HNRNPF: variants seen among roughly 807,000 people sequenced by gnomAD.
HNRNPF encodes heterogeneous nuclear ribonucleoprotein F, also known as HnRNP F protein.
In HNRNPF, 2 loss-of-function variants were observed where a neutral mutation model predicts 26.0. That is an observed-to-expected ratio of 0.08 (90% CI 0.03 to 0.24). The LOEUF (loss-of-function observed/expected upper bound fraction) is 0.24, where lower values mean the gene tolerates loss of function less well. Among genes scored for constraint, HNRNPF ranks in the 10% least tolerant of loss-of-function variants. The pLI, the probability that HNRNPF is intolerant of heterozygous loss-of-function variation, is 1.00. For missense variants in HNRNPF, 299 were observed against 539.2 expected, an observed-to-expected ratio of 0.55 and a Z score of 4.41; for synonymous variants, 234 against 211.5, an observed-to-expected ratio of 1.11 and a Z score of -0.92.
At chr10:43,403,163 G>C (rs1377172394) in intron 1 of HNRNPF, among the ~76,000 whole-genome samples, 1 of 152,092 alleles carries the variant, frequency 6.6e-6, no homozygotes, top group Non-Finnish European at 1.5e-5. Flanking sequence ...GATTACAGAT[G>C]CACACCACCA....
intron 1 of HNRNPF, among the ~76,000 whole-genome samples, chr10:43,402,751 TATG>T (rs1472066697): frequency 6.6e-6 from 1 of 152,188 alleles, no homozygotes; most frequent in East Asian, 1.9e-4. Context: ...TCAAATAACT[TATG>T]ATGGATTTAT....
intron 1 of HNRNPF, among the ~76,000 whole-genome samples, chr10:43,405,970 GGACTGGGTCCCAAGTCCCAATTGT>G (rs1474482937): frequency 6.6e-6 from 1 of 151,990 alleles, no homozygotes; most frequent in African/African-American, 2.4e-5. Context: ...GACCCAGTTG[GGACTGGGTCCCAAGTCCCAATTGT>G]GTCCCTGGAC....
At chr10:43,388,028 T>C (rs1838099850) in intron 3 of HNRNPF, 92 bp from the exon 4 acceptor site, 4 of 651,710 alleles carry the variant, frequency 6.1e-6, no homozygotes, top group Non-Finnish European at 1.0e-5. Flanking sequence ...TTAAGAAATA[T>C]ACCAAATACA....
Position 43,386,381 on chromosome 10 carries a change from T to G in HNRNPF, c.*256A>C. The G allele has an allele frequency of 2.5e-6, 1 of 397,756 alleles. No homozygotes were observed. Among genetic ancestry groups the G allele is most frequent in the Non-Finnish European group, 4.5e-6 (1 of 224,228 alleles). 24.6% of individuals were successfully genotyped at this position (397,756 alleles called of 1,614,324 possible). ...TTTAACATACTTAAACTACTTAAAC[T>G]TAGATAACATCACTCTGAAGTATAC... is the stretch of plus-strand genomic sequence containing the variant. On this transcript the variant is annotated 3_prime_UTR_variant, in exon 4 of 4. Transcript: ENST00000682386.
chr10:43,395,926 T>TC, intron 2 of HNRNPF, among the ~76,000 whole-genome samples: 1 of 152,192 alleles, frequency 6.6e-6, no homozygotes, highest in East Asian at 1.9e-4. Context: ...GAGTCTGGTC[T>TC]CCCCGTCCGC....
chr10:43,394,233 A>G (rs1702946975), intron 3 of HNRNPF, among the ~76,000 whole-genome samples: 1 of 152,230 alleles, frequency 6.6e-6, no homozygotes, highest in South Asian at 2.1e-4. Context: ...TGAAAAAGAC[A>G]TACAAGCAGC....
At chr10:43,393,518 C>T (rs1165305920) in intron 3 of HNRNPF, among the ~76,000 whole-genome samples, 1 of 152,090 alleles carries the variant, frequency 6.6e-6, no homozygotes. Flanking sequence ...ATCGCTTGAA[C>T]CTGGGAGGCA....
At chr10:43,395,275 AC>A (rs1431008549) in intron 2 of HNRNPF, among the ~76,000 whole-genome samples, 4 of 151,924 alleles carry the variant, frequency 2.6e-5, no homozygotes, top group Non-Finnish European at 5.9e-5. Flanking sequence ...ATTTATAGGA[AC>A]CCCTCTGTAA....
At chr10:43,405,656 C>CG (rs1465244053) in intron 1 of HNRNPF, among the ~76,000 whole-genome samples, 6 of 140,170 alleles carry the variant, frequency 4.3e-5, no homozygotes, top group Non-Finnish European at 7.5e-5. Context: ...GATTCCGTCT[C>CG]GGAAAAAAAA....
chr10:43,388,010 G>C, intron 3 of HNRNPF, 74 bp from the exon 4 acceptor site: 1 of 736,632 alleles, frequency 1.4e-6, no homozygotes, highest in Non-Finnish European at 2.2e-6. Context: ...GAGAGAGGTA[G>C]CAAGACATTA....
chr10:43,397,947 T>A (rs1401670407), intron 1 of HNRNPF, among the ~76,000 whole-genome samples: 1 of 152,240 alleles, frequency 6.6e-6, no homozygotes, highest in South Asian at 2.1e-4. Flanking sequence ...GAACTAGTAA[T>A]TTTTATTAAA....
At chr10:43,399,815 C>G (rs1047502832) in intron 1 of HNRNPF, among the ~76,000 whole-genome samples, 4 of 152,060 alleles carry the variant, frequency 2.6e-5, no homozygotes, top group Non-Finnish European at 4.4e-5. Flanking sequence ...GGTAAAGAGA[C>G]ACAGTTCCTG....
chr10:43,402,005 G>C (rs1050389643), intron 1 of HNRNPF, among the ~76,000 whole-genome samples: 1 of 151,184 alleles, frequency 6.6e-6, no homozygotes, highest in Non-Finnish European at 1.5e-5. Flanking sequence ...GAGGGGCTCC[G>C]GCACCCAGAA....
Position 43,386,238 on chromosome 10 carries a change from A to G in HNRNPF, c.*399T>C, listed in dbSNP as rs1388649689. On this transcript the variant is annotated 3_prime_UTR_variant, in exon 4 of 4. Coordinates refer to ENST00000682386, the MANE Select transcript of HNRNPF (RefSeq NM_001098204.2). ...TAAAGGATTTTAAATGAAAATATAA[A>G]CTAGAATGAACAAACATGAGAAATA... The G allele has an allele frequency of 6.3e-6, 1 of 157,726 alleles. No individual in the cohort carries two copies. Among genetic ancestry groups the G allele is most frequent in the African/African-American group, 2.4e-5 (1 of 41,622 alleles). The allele number at this position is 157,726 out of a possible 1,614,324, so 9.8% of individuals were successfully genotyped here. A position where few individuals can be genotyped will look rare whatever the true frequency, so the allele number is the denominator to read the frequency against.
chr10:43,392,541 AAAAC>A (rs1033416062), intron 3 of HNRNPF, among the ~76,000 whole-genome samples: 6 of 152,186 alleles, frequency 3.9e-5, no homozygotes, highest in African/African-American at 1.4e-4. Context: ...CTCAAAAACA[AAAAC>A]AAACAAAAAA....
Position 43,387,999 on chromosome 10 carries a change from C to A in HNRNPF, c.-52-63G>T, listed in dbSNP as rs1042462037. 2.2e-5 allele frequency: 18 copies of A among 812,854 alleles called. No individual in the cohort carries two copies. The African/African-American group carries it at 2.5e-4, about 11-fold the overall frequency. 50.4% of individuals were successfully genotyped at this position (812,854 alleles called of 1,614,324 possible). A position where few individuals can be genotyped will look rare whatever the true frequency, so the allele number is the denominator to read the frequency against. On this transcript the variant is annotated intron_variant, in intron 3 of 3. Transcript: ENST00000682386. The surrounding 1 kb of genome is among the most constrained non-coding windows in gnomAD (Gnocchi z 6.0). ...ACAGAAATTTTCCCCATTTTACAGACGAGAGAGGTAGCAAGACATTAAGAA... is the reference window on the plus strand; with the variant it reads ...ACAGAAATTTTCCCCATTTTACAGAAGAGAGAGGTAGCAAGACATTAAGAA...
intron 1 of HNRNPF, among the ~76,000 whole-genome samples, chr10:43,399,993 GA>G (rs1838702689): frequency 6.6e-6 from 1 of 152,206 alleles, no homozygotes; most frequent in South Asian, 2.1e-4. Context: ...AACACTGAGT[GA>G]TGAATTTCAT....
At position 43,387,967 on chromosome 10, in the gene HNRNPF, G is replaced by A; in HGVS notation, c.-52-31C>T. ...AAAAAAAAAAAGAAAAATTTATTTA[G>A]TATGCAACAGAAATTTTCCCCATTT... On this transcript the variant is annotated intron_variant, in intron 3 of 3. Transcript: ENST00000682386. This position sits in a 1 kb window ranked among gnomAD's most constrained non-coding sequence, Gnocchi z 6.0. 1 of 1,193,584 alleles carries A rather than the reference G, an allele frequency of 8.4e-7. No homozygotes were observed. The highest frequency in any genetic ancestry group is 1.2e-6 in the Non-Finnish European group (1 of 853,974). 73.9% of individuals were successfully genotyped at this position (1,193,584 alleles called of 1,614,324 possible). A position where few individuals can be genotyped will look rare whatever the true frequency, so the allele number is the denominator to read the frequency against.
At position 43,403,022 on chromosome 10, in the gene HNRNPF, T is replaced by A. The variant is rs1180354517; in HGVS notation, c.-247+6109A>T. Among the ~76,000 whole-genome samples the A allele has an allele frequency of 2.0e-5, 3 of 152,120 alleles. No homozygotes were observed. In the South Asian group the frequency reaches 6.2e-4, roughly 31 times the overall value. On this transcript the variant is annotated intron_variant, in intron 1 of 3. Transcript: ENST00000682386. ...ATACCTGGCTAATTAAAAATTCTGT[T>A]TTTGAAAAGATAGGGTCTTGCCATC...
Sources: allele counts gnomAD v4.1 joint callset (sites outside exome capture counted in the v4.1 genomes callset), GRCh38; gene constraint gnomAD v4.1.1; non-coding constraint Gnocchi (gnomAD v3.1); transcripts MANE v1.5; gene names NCBI Gene and HGNC (gene_info 2026-07-23, HGNC 2026-07-21).